Variants in MYH6 observed in about 807,000 individuals in gnomAD.
The protein encoded by MYH6 is myosin heavy chain 6, also known as myosin-6.
MYH6 carries 126 observed loss-of-function variants against 223.2 expected under a neutral mutation model. The observed-to-expected ratio is 0.56, with a 90% CI of 0.49 to 0.65. MYH6 has a LOEUF of 0.65. MYH6 is among the 30% of genes least tolerant of loss of function. The pLI is 0.00. For synonymous variants in MYH6, 978 were observed against 1,010.2 expected (o/e 0.97, Z 0.61); for missense variants, 2,040 against 2,536.4 (o/e 0.80, Z 4.20).
intron 32 of MYH6, among the ~76,000 whole-genome samples, chr14:23,387,328 C>T (rs1891060374): frequency 6.6e-6 from 1 of 152,190 alleles, no homozygotes; most frequent in African/African-American, 2.4e-5. Flanking sequence ...AACCTTTGGC[C>T]TCTAATCAGA....
chr14:23,389,062 A>AC lies in MYH6; in HGVS notation c.3979-8_3979-7insG. 1.7e-6 allele frequency: 2 copies of AC among 1,175,172 alleles called. No individual in the cohort carries two copies. 72.8% of individuals were successfully genotyped at this position (1,175,172 alleles called of 1,614,324 possible). Reference sequence around the variant, plus strand: ...GGGCCAGGGCGTTCTTCGCCTGGGGAGGGGGGGGGGCACCAGGAGGTGGGA... The same window carrying AC: ...GGGCCAGGGCGTTCTTCGCCTGGGGACGGGGGGGGGGCACCAGGAGGTGGGA... On this transcript the variant is annotated splice_polypyrimidine_tract_variant and splice_region_variant and intron_variant, in intron 28 of 38. Coordinates refer to ENST00000405093, the MANE Select transcript of MYH6 (RefSeq NM_002471.4).
In MYH6 at chr14:23,383,339, G is replaced by GGGGGGGGGGCCCCCC; in HGVS notation, c.5566-20_5566-19insGGGGGGCCCCCCCCC. On this transcript the variant is annotated intron_variant, in intron 36 of 38. Coordinates refer to ENST00000405093, the MANE Select transcript of MYH6 (RefSeq NM_002471.4). Reference sequence around the variant, plus strand: ...CCTCTGTCTGGGGGTGGGAGGGTGGGAGAAGCTGGTTTGGAGGGGGAGCAA... The same window carrying GGGGGGGGGGCCCCCC: ...CCTCTGTCTGGGGGTGGGAGGGTGGGGGGGGGGGGCCCCCCAGAAGCTGGTTTGGAGGGGGAGCAA... 2 of 108,166 alleles carry GGGGGGGGGGCCCCCC rather than the reference G, an allele frequency of 1.8e-5. No individual in the cohort carries two copies. The highest frequency in any genetic ancestry group is 9.5e-5 in the African/African-American group (1 of 10,532). 6.7% of individuals were successfully genotyped at this position (108,166 alleles called of 1,614,324 possible). A position where few individuals can be genotyped will look rare whatever the true frequency, so the allele number is the denominator to read the frequency against.
At chr14:23,386,706 C>G in intron 32 of MYH6, 83 bp from the exon 33 acceptor site, 1 of 1,483,336 alleles carries the variant, frequency 6.7e-7, no homozygotes, top group South Asian at 1.3e-5. Context: ...CGGTGTCAGC[C>G]AGGACTATCG....
chr14:23,392,783 G>A, intron 24 of MYH6, 129 bp downstream of exon 24: 1 of 1,493,238 alleles, frequency 6.7e-7, no homozygotes, highest in Middle Eastern at 2.1e-4. Flanking sequence ...AGTGGCGGAA[G>A]AGGGCTGTGA....
intron 38 of MYH6, 101 bp from the exon 39 acceptor site, chr14:23,382,164 G>T: frequency 1.6e-6 from 2 of 1,254,530 alleles, no homozygotes; most frequent in Non-Finnish European, 1.2e-6. Context: ...AGATGCCCTT[G>T]GAGGGAGAGG....
intron 15 of MYH6, among the ~76,000 whole-genome samples, chr14:23,397,958 C>CTTCTTT (rs1566512519): frequency 6.2e-5 from 7 of 113,698 alleles, no homozygotes; most frequent in South Asian, 3.4e-4. Context: ...TCTTCTTCTT[C>CTTCTTT]TTCTTCTTCT....
chr14:23,405,019 C>G lies in MYH6; in HGVS notation c.530+81G>C, dbSNP rs985881271. 1 of 1,603,576 alleles carries G rather than the reference C, an allele frequency of 6.2e-7. No individual in the cohort carries two copies. The highest frequency in any genetic ancestry group is 1.3e-5 in the African/African-American group (1 of 74,674). On this transcript the variant is annotated intron_variant, in intron 6 of 38. Coordinates refer to ENST00000405093, the MANE Select transcript of MYH6 (RefSeq NM_002471.4). The surrounding 1 kb of genome is among the most constrained non-coding windows in gnomAD (Gnocchi z 4.7). ...GCTCCCTGCAATCCCAGCCTTAAAC[C>G]TCTCCTCCCAACTACACCCTAGGCA...
In MYH6 at chr14:23,392,579, T is replaced by C; in HGVS notation, c.3325A>G (p.Lys1109Glu). ...EQVLALQLQK[K>E]LKENQARIEE... is the part of the protein sequence containing the mutation. The stretch of plus-strand genomic sequence containing the variant: ...AAAGTCACCTGGTTTTCCTTCAGTT[T>C]CTTCTGTAGTTGAAGGGCCAGCACC... The change falls in exon 25 of 39, where the codon AAA becomes GAA. Residue 1109 changes from lysine (K) to glutamate (E), a missense_variant. By Grantham distance (56) the Lys-to-Glu change is moderately conservative. Coordinates refer to ENST00000405093, the MANE Select transcript of MYH6 (RefSeq NM_002471.4). The C allele has an allele frequency of 6.2e-7, 1 of 1,613,234 alleles. No individual in the cohort carries two copies. The highest frequency in any genetic ancestry group is 8.5e-7 in the Non-Finnish European group (1 of 1,179,430).
intron 14 of MYH6, chr14:23,399,594 A>T (rs1368275664): frequency 1.0e-5 from 2 of 193,640 alleles, no homozygotes; most frequent in Non-Finnish European, 2.2e-5. Context: ...ACAAGCACAC[A>T]CATGTATGTA....
At chr14:23,397,675 G>A (rs559026237) in intron 15 of MYH6, 62 bp from the exon 16 acceptor site, 1 of 1,547,412 alleles carries the variant, frequency 6.5e-7, no homozygotes, top group African/African-American at 1.4e-5. Flanking sequence ...CTTGGGCAGA[G>A]GCAGAGCTCT....
At chr14:23,395,817 C>T (rs190353631) in intron 20 of MYH6, among the ~76,000 whole-genome samples, 8 of 152,126 alleles carry the variant, frequency 5.3e-5, no homozygotes, top group Non-Finnish European at 1.0e-4. Context: ...CATGAGCCAC[C>T]GCGCCTGGCC....
At position 23,397,952 on chromosome 14, in the gene MYH6, C is replaced by CTTCTTCTTCTTCTAT. The variant is rs1566512438; in HGVS notation, c.1892-340_1892-339insATAGAAGAAGAAGAA. On this transcript the variant is annotated intron_variant, in intron 15 of 38. Transcript: ENST00000405093. ...TCCTCCTCTTCTTCTTCTTCTTCTT[C>CTTCTTCTTCTTCTAT]TTCTTCTTCTTCTTCTTCTTCTTCT... 7.5e-4 allele frequency among the ~76,000 whole-genome samples: 68 copies of CTTCTTCTTCTTCTAT among 91,232 alleles called. 1 individual carries two copies. Among genetic ancestry groups the CTTCTTCTTCTTCTAT allele is most frequent in the Non-Finnish European group, 1.1e-3 (48 of 45,712 alleles). 59.9% of individuals were successfully genotyped at this position (91,232 alleles called of 152,430 possible).
chr14:23,397,949 CT>C (rs1891462474), intron 15 of MYH6, among the ~76,000 whole-genome samples: 2 of 78,958 alleles, frequency 2.5e-5, no homozygotes, highest in African/African-American at 1.1e-4. Context: ...TCTTCTTCTT[CT>C]TCTTCTTCTT....
chr14:23,383,348 G>A (rs1394388374), intron 36 of MYH6, 28 bp from the exon 37 acceptor site: 1 of 1,471,748 alleles, frequency 6.8e-7, no homozygotes, highest in Non-Finnish European at 9.4e-7. Flanking sequence ...GGAGAAGCTG[G>A]TTTGGAGGGG....
chr14:23,407,315 C>A lies in MYH6; in HGVS notation c.-13-79G>T. On this transcript the variant is annotated intron_variant, in intron 2 of 38. Transcript: ENST00000405093. The surrounding 1 kb of genome is among the most constrained non-coding windows in gnomAD (Gnocchi z 5.6). ...GAGTGGCTTTGTCCTCTGCAGCCCC[C>A]CTCCCTACCCCCGCTCCTCTCCTCC... The A allele has an allele frequency of 6.6e-7, 1 of 1,510,938 alleles. No homozygotes were observed. The highest frequency in any genetic ancestry group is 1.4e-5 in the African/African-American group (1 of 72,966). The allele number at this position is 1,510,938 out of a possible 1,614,324, so 93.6% of individuals were successfully genotyped here. A position where few individuals can be genotyped will look rare whatever the true frequency, so the allele number is the denominator to read the frequency against.
Position 23,400,261 on chromosome 14 carries a change from C to T in MYH6, c.1576G>A (p.Glu526Lys), listed in dbSNP as rs1423423062. Residue 526 changes from glutamate (E) to lysine (K), a missense_variant, in exon 14 of 39, where the codon GAG becomes AAG. Coordinates refer to ENST00000405093, the MANE Select transcript of MYH6 (RefSeq NM_002471.4). ...MDLQACIDLI[E>K]KPMGIMSILE... ...TGGTGAGGCCAAGGAGGCACCTTCTCGATGAGGTCAATGCAGGCCTGCAGG... is the reference window on the plus strand; with the variant it reads ...TGGTGAGGCCAAGGAGGCACCTTCTTGATGAGGTCAATGCAGGCCTGCAGG... 4 of 1,614,060 alleles carry T rather than the reference C, an allele frequency of 2.5e-6. No homozygotes were observed. The highest frequency in any genetic ancestry group is 1.1e-5 in the South Asian group (1 of 91,080).
Position 23,393,709 on chromosome 14 carries a change from G to A in MYH6, c.2885C>T (p.Thr962Ile). Residue 962 changes from threonine to isoleucine, a missense_variant, in exon 22 of 39, where the codon ACA becomes ATA. Thr to Ile is a moderately conservative substitution (Grantham distance 89). Around this residue, in one of 4 missense-constraint regions of MYH6, gnomAD observed 1,203 missense variants for 1,400.2 expected, o/e 0.86. Transcript: ENST00000405093. The part of the protein sequence containing the change: ...LKKDIDDLEL[T>I]LAKVEKEKHA... ...CTTCTCCTTCTCCACCTTGGCCAGT[G>A]TCAGCTCCAGGTCATCAATGTCCTT... is the stretch of plus-strand genomic sequence containing the variant. 1 of 1,614,172 alleles carries A rather than the reference G, an allele frequency of 6.2e-7. No individual in the cohort carries two copies. The highest frequency in any genetic ancestry group is 8.5e-7 in the Non-Finnish European group (1 of 1,180,040).
chr14:23,389,072 G>GGGGGTGGGGGGGGGC lies in MYH6; in HGVS notation c.3979-18_3979-17insGCCCCCCCCCACCCC. 1 of 1,135,198 alleles carries GGGGGTGGGGGGGGGC rather than the reference G, an allele frequency of 8.8e-7. No homozygotes were observed. The highest frequency in any genetic ancestry group is 1.3e-6 in the Non-Finnish European group (1 of 774,176). The allele number at this position is 1,135,198 out of a possible 1,614,324, so 70.3% of individuals were successfully genotyped here. On this transcript the variant is annotated splice_polypyrimidine_tract_variant and intron_variant, in intron 28 of 38. Coordinates refer to ENST00000405093, the MANE Select transcript of MYH6 (RefSeq NM_002471.4). ...GTTCTTCGCCTGGGGAGGGGGGGGG[G>GGGGGTGGGGGGGGGC]CACCAGGAGGTGGGAGGGACTCCCT...
chr14:23,408,144 G>A (rs1891843345), intron 1 of MYH6, 109 bp downstream of exon 1: 1 of 756,276 alleles, frequency 1.3e-6, no homozygotes, highest in African/African-American at 1.9e-5. Flanking sequence ...TTTTAATAGA[G>A]CCCTTAGGCC....
Sources: allele counts gnomAD v4.1 joint callset (sites outside exome capture counted in the v4.1 genomes callset), GRCh38; gene constraint gnomAD v4.1.1; regional missense constraint gnomAD v4.1.1; non-coding constraint Gnocchi (gnomAD v3.1); transcripts MANE v1.5; gene names NCBI Gene and HGNC (gene_info 2026-07-23, HGNC 2026-07-21).